Variants in LRRC4C observed in about 807,000 individuals in gnomAD.
LRRC4C encodes the protein leucine-rich repeat-containing protein 4C.
Under a neutral mutation model 33.6 loss-of-function variants are expected in LRRC4C, and 5 were observed. The observed-to-expected ratio is 0.15, with a 90% CI of 0.08 to 0.31. LRRC4C has a LOEUF of 0.31. LRRC4C is among the 10% of genes least tolerant of loss of function. The pLI is 1.00. For synonymous variants in LRRC4C, 329 were observed against 302.0 expected, an observed-to-expected ratio of 1.09 and a Z score of -0.93; for missense variants, 560 against 796.7, an observed-to-expected ratio of 0.70 and a Z score of 3.58.
At chr11:40,523,317 T>G (rs1955901367) in intron 3 of LRRC4C, among the ~76,000 whole-genome samples, 1 of 152,004 alleles carries the variant, frequency 6.6e-6, no homozygotes, top group Admixed American at 6.6e-5. Context: ...TTATTGGTAA[T>G]GTATATATTT....
intron 3 of LRRC4C, among the ~76,000 whole-genome samples, chr11:40,598,164 G>T (rs954932862): frequency 2.0e-5 from 3 of 152,118 alleles, no homozygotes; most frequent in African/African-American, 7.2e-5. Flanking sequence ...ATATCTCTTG[G>T]AGAAACTAAG....
At chr11:40,775,127 T>C (rs546013737) in intron 2 of LRRC4C, among the ~76,000 whole-genome samples, 6 of 152,156 alleles carry the variant, frequency 3.9e-5, no homozygotes, top group Admixed American at 6.5e-5. Context: ...AAAGTAAATA[T>C]TGGCCAGGTG....
chr11:40,586,381 G>A (rs1958744639), intron 3 of LRRC4C, among the ~76,000 whole-genome samples: 2 of 147,036 alleles, frequency 1.4e-5, no homozygotes, highest in Non-Finnish European at 3.0e-5. Context: ...TTAGCCCTTT[G>A]TCAGATGAGT....
intron 1 of LRRC4C, among the ~76,000 whole-genome samples, chr11:41,364,049 A>G (rs1045142109): frequency 1.3e-5 from 2 of 152,094 alleles, no homozygotes; most frequent in Non-Finnish European, 2.9e-5. Context: ...CTTTTAAGAA[A>G]GTGATCATTT....
At chr11:40,892,941 T>C (rs1955785723) in intron 2 of LRRC4C, among the ~76,000 whole-genome samples, 1 of 152,226 alleles carries the variant, frequency 6.6e-6, no homozygotes, top group Non-Finnish European at 1.5e-5. Flanking sequence ...ATAAATGTTG[T>C]GTATGTGTTA....
chr11:40,944,169 G>T (rs1958280537), intron 1 of LRRC4C, among the ~76,000 whole-genome samples: 1 of 151,878 alleles, frequency 6.6e-6, no homozygotes. Context: ...AAATAAAAGT[G>T]ATATTTATTG....
chr11:40,192,254 T>A (rs1402294805), intron 5 of LRRC4C, among the ~76,000 whole-genome samples: 1 of 151,996 alleles, frequency 6.6e-6, no homozygotes, highest in Non-Finnish European at 1.5e-5. Context: ...TTTCTGCTTT[T>A]CCAGTGAGGT....
At chr11:41,241,935 A>G (rs948940850) in intron 1 of LRRC4C, among the ~76,000 whole-genome samples, 3 of 152,180 alleles carry the variant, frequency 2.0e-5, no homozygotes, top group African/African-American at 7.2e-5. Context: ...TTTGACATCA[A>G]TGCACACAGT....
intron 5 of LRRC4C, among the ~76,000 whole-genome samples, chr11:40,202,535 A>C (rs1050096375): frequency 6.6e-6 from 1 of 152,142 alleles, no homozygotes; most frequent in Non-Finnish European, 1.5e-5. Flanking sequence ...AAAATGAATG[A>C]GTTGGGCTAG....
intron 3 of LRRC4C, among the ~76,000 whole-genome samples, chr11:40,491,314 C>T (rs749245770): frequency 6.6e-6 from 1 of 151,996 alleles, no homozygotes; most frequent in Admixed American, 6.6e-5. Context: ...ATGGGAGAAG[C>T]CATGTTGATT....
At chr11:40,270,282 G>C (rs959950143) in intron 4 of LRRC4C, among the ~76,000 whole-genome samples, 3 of 152,132 alleles carry the variant, frequency 2.0e-5, no homozygotes, top group Non-Finnish European at 4.4e-5. Context: ...GAGACTAGAA[G>C]TCCAAGATTA....
chr11:40,926,042 T>A (rs2136411054), intron 2 of LRRC4C, among the ~76,000 whole-genome samples: 1 of 151,418 alleles, frequency 6.6e-6, no homozygotes, highest in South Asian at 2.1e-4. Context: ...AAGGTGTTTT[T>A]TTTTTTTAAG....
chr11:41,241,264 C>A (rs1191058594), intron 1 of LRRC4C, among the ~76,000 whole-genome samples: 1 of 152,098 alleles, frequency 6.6e-6, no homozygotes, highest in African/African-American at 2.4e-5. Context: ...TTCTTTGGGA[C>A]CTATCATATC....
rs1170065591 is a variant in LRRC4C, at chr11:40,548,829, A to C, written c.-270+99313T>G. Among the ~76,000 whole-genome samples the C allele has an allele frequency of 2.0e-5, 3 of 152,154 alleles. No homozygotes were observed. In the East Asian group the frequency reaches 5.8e-4, roughly 29 times the overall value. ...AATAAGAAAAACGTGAGTAGGCTGC[A>C]TGAATGTGTTAGTGCATGTACTCCC... is the stretch of plus-strand genomic sequence containing the variant. On this transcript the variant is annotated intron_variant, in intron 3 of 6. Transcript: ENST00000528697.
chr11:40,220,537 G>A (rs1023318515), intron 5 of LRRC4C, among the ~76,000 whole-genome samples: 3 of 152,086 alleles, frequency 2.0e-5, no homozygotes, highest in African/African-American at 7.2e-5. Context: ...TGCTTCTGAA[G>A]TTTGAATTCA....
chr11:40,663,718 G>A (rs1332915030), intron 2 of LRRC4C, among the ~76,000 whole-genome samples: 1 of 152,176 alleles, frequency 6.6e-6, no homozygotes, highest in African/African-American at 2.4e-5. Flanking sequence ...TATACAAGTA[G>A]AAGTGAGAGA....
intron 1 of LRRC4C, among the ~76,000 whole-genome samples, chr11:41,058,278 G>A (rs761406005): frequency 7.2e-5 from 11 of 152,258 alleles, no homozygotes; most frequent in Non-Finnish European, 8.8e-5. Context: ...AGTGCCAGCC[G>A]TGGAAGCTGC....
intron 1 of LRRC4C, among the ~76,000 whole-genome samples, chr11:41,296,373 G>A (rs895987967): frequency 4.0e-5 from 6 of 151,818 alleles, no homozygotes; most frequent in South Asian, 4.2e-4. Flanking sequence ...GGAGTGCAGC[G>A]GTGTGATCTC....
intron 3 of LRRC4C, among the ~76,000 whole-genome samples, chr11:40,389,266 G>A (rs1365316002): frequency 1.3e-5 from 2 of 152,034 alleles, no homozygotes; most frequent in African/African-American, 4.8e-5. Flanking sequence ...GATATCTTAG[G>A]GCAAAATGGA....
Sources: allele counts gnomAD v4.1 joint callset (sites outside exome capture counted in the v4.1 genomes callset), GRCh38; gene constraint gnomAD v4.1.1; transcripts MANE v1.5; gene names NCBI Gene and HGNC (gene_info 2026-07-23, HGNC 2026-07-21).